Variants in GRK6 observed in about 807,000 individuals in gnomAD.
The protein encoded by GRK6 is G protein-coupled receptor kinase 6.
Under a neutral mutation model 80.8 loss-of-function variants are expected in GRK6, and 37 were observed. That is an observed-to-expected ratio of 0.46 (90% CI 0.35 to 0.60). The LOEUF (loss-of-function observed/expected upper bound fraction) is 0.60, where lower values mean the gene tolerates loss of function less well. Among genes scored for constraint, GRK6 ranks in the 20% least tolerant of loss-of-function variants. The pLI is 0.00. For missense variants in GRK6, 560 were observed against 784.6 expected, an observed-to-expected ratio of 0.71 and a Z score of 3.42; for synonymous variants, 295 against 320.9, an observed-to-expected ratio of 0.92 and a Z score of 0.86.
At chr5:177,426,384 T>C (rs1372323857), upstream of GRK6, 2 of 152,196 alleles carry the variant, frequency 1.3e-5, no homozygotes, top group Non-Finnish European at 2.9e-5. Flanking sequence ...CCACCTCCAT[T>C]GTCCCGGCTG....
chr5:177,429,544 A>C lies in GRK6; in HGVS notation c.53-1328A>C, dbSNP rs1054240932. Among the ~76,000 whole-genome samples, 1 of 152,156 alleles carries C rather than the reference A, an allele frequency of 6.6e-6. No individual in the cohort carries two copies. The highest frequency in any genetic ancestry group is 2.4e-5 in the African/African-American group (1 of 41,434). On this transcript the variant is annotated intron_variant, in intron 1 of 15. Coordinates refer to ENST00000355472, the MANE Select transcript of GRK6 (RefSeq NM_001004106.3). The surrounding 1 kb of genome is among the most constrained non-coding windows in gnomAD (Gnocchi z 4.3). ...CACAGTGAAGCAATGACTGCAGGGC[A>C]TGTTCGCAGGAGGCCTCTAGCAAGT...
intron 14 of GRK6, 28 bp from the exon 15 acceptor site, chr5:177,440,891 G>C: frequency 6.2e-7 from 1 of 1,613,826 alleles, no homozygotes. Flanking sequence ...CCTGGGGACA[G>C]CTGTCACAGC....
At chr5:177,432,630 C>T (rs1581677960) in intron 4 of GRK6, 76 bp from the exon 5 acceptor site, 2 of 1,062,336 alleles carry the variant, frequency 1.9e-6, no homozygotes, top group Non-Finnish European at 2.7e-6. Context: ...GCCCGAGTTG[C>T]CTGACCCCTC....
upstream of GRK6, among the ~76,000 whole-genome samples, chr5:177,426,092 G>A (rs1451128993): frequency 2.0e-5 from 3 of 152,220 alleles, no homozygotes; most frequent in Admixed American, 6.5e-5. Flanking sequence ...CGAGGCCGCA[G>A]CCTCCTCCCT....
chr5:177,437,301 C>T (rs908369153), intron 13 of GRK6, among the ~76,000 whole-genome samples: 2 of 152,166 alleles, frequency 1.3e-5, no homozygotes, highest in African/African-American at 4.8e-5. Context: ...AAAGAAGTCC[C>T]AAAGCTGATG....
chr5:177,429,172 G>A lies in GRK6; in HGVS notation c.53-1700G>A, dbSNP rs1182028299. ...TTTCATATAAAATTGGGCCTGCTCT[G>A]GCAGAGTTGCTGTGAGGATGGAGTG... On this transcript the variant is annotated intron_variant, in intron 1 of 15. Coordinates refer to ENST00000355472, the MANE Select transcript of GRK6 (RefSeq NM_001004106.3). The surrounding 1 kb of genome is among the most constrained non-coding windows in gnomAD (Gnocchi z 4.3). Among the ~76,000 whole-genome samples the A allele has an allele frequency of 2.0e-5, 3 of 152,262 alleles. No homozygotes were observed. Among genetic ancestry groups the A allele is most frequent in the Non-Finnish European group, 2.9e-5 (2 of 68,014 alleles).
At chr5:177,432,193 C>T (rs1055798046) in intron 3 of GRK6, 40 bp from the exon 4 acceptor site, 3 of 1,612,890 alleles carry the variant, frequency 1.9e-6, no homozygotes, top group East Asian at 2.2e-5. Context: ...TGCTGCTTGC[C>T]CTGCCCAGAC....
At chr5:177,438,035 C>G (rs1051758871) in intron 13 of GRK6, among the ~76,000 whole-genome samples, 1 of 152,174 alleles carries the variant, frequency 6.6e-6, no homozygotes, top group Admixed American at 6.5e-5. Flanking sequence ...AACCCGTAAG[C>G]CAGAAGGAAT....
At chr5:177,441,368 C>G in intron 15 of GRK6, 6 of 1,236,990 alleles carry the variant, frequency 4.9e-6, no homozygotes, top group Non-Finnish European at 5.7e-6. Flanking sequence ...CCCACTCCCC[C>G]TGCCCACTGC....
In GRK6 at chr5:177,429,430, T is replaced by C. The variant is rs560822299; in HGVS notation, c.53-1442T>C. On this transcript the variant is annotated intron_variant, in intron 1 of 15. Transcript: ENST00000355472. This position sits in a 1 kb window ranked among gnomAD's most constrained non-coding sequence, Gnocchi z 4.3. ...GGGTGGGAGGCTGGCGGATGGAGGG[T>C]TGGGTGAGGGACCTGTGGGTGTGGG... Among the ~76,000 whole-genome samples the C allele has an allele frequency of 6.9e-4, 104 of 151,262 alleles. No homozygotes were observed. Among genetic ancestry groups the C allele is most frequent in the Middle Eastern group, 3.4e-3 (1 of 292 alleles).
rs77998600 is a variant in GRK6 at position 177,428,011 on chromosome 5, C to A, written c.52+1114C>A. Among the ~76,000 whole-genome samples the A allele has an allele frequency of 0.068, 10,335 of 152,332 alleles. 479 individuals carry two copies. Among genetic ancestry groups the A allele is most frequent in the Non-Finnish European group, 0.11 (7,196 of 68,014 alleles). Reference sequence around the variant, plus strand: ...TCTATAGGAAGCCCAGAGGAACTTTCAGCTGGGTGCTACACCTGGCACCCC... The same window carrying A: ...TCTATAGGAAGCCCAGAGGAACTTTAAGCTGGGTGCTACACCTGGCACCCC... On this transcript the variant is annotated intron_variant, in intron 1 of 15. Coordinates refer to ENST00000355472, the MANE Select transcript of GRK6 (RefSeq NM_001004106.3). This position sits in a 1 kb window ranked among gnomAD's most constrained non-coding sequence, Gnocchi z 4.1.
chr5:177,436,785 G>A lies in GRK6; in HGVS notation c.1404+255G>A, dbSNP rs1457055464. 10 of 507,176 alleles carry A rather than the reference G, an allele frequency of 2.0e-5. No individual in the cohort carries two copies. In the East Asian group the frequency reaches 3.2e-4, roughly 16 times the overall value. The allele number at this position is 507,176 out of a possible 1,614,324, so 31.4% of individuals were successfully genotyped here. On this transcript the variant is annotated intron_variant, in intron 13 of 15. Transcript: ENST00000355472. ...CTCCTTCCCCTCACTGTACCGTTGA[G>A]TGTGTAGTCTTCATATTGGGGTAGC...
rs989455936 is a variant in GRK6, at chr5:177,428,717, C to T, written c.52+1820C>T. Among the ~76,000 whole-genome samples, 3 of 152,220 alleles carry T rather than the reference C, an allele frequency of 2.0e-5. No homozygotes were observed. The highest frequency in any genetic ancestry group is 6.5e-5 in the Admixed American group (1 of 15,282). ...ATAGGCATGAGCCACCGCGCCTGGC[C>T]GACCTGCATGACTTTAAACATGTCT... On this transcript the variant is annotated intron_variant, in intron 1 of 15. Coordinates refer to ENST00000355472, the MANE Select transcript of GRK6 (RefSeq NM_001004106.3). The surrounding 1 kb of genome is among the most constrained non-coding windows in gnomAD (Gnocchi z 4.1).
Position 177,432,234 on chromosome 5 carries a change from C to T in GRK6, c.263C>T (p.Ala88Val), listed in dbSNP as rs755000045. 1 of 1,613,734 alleles carries T rather than the reference C, an allele frequency of 6.2e-7. No individual in the cohort carries two copies. The highest frequency in any genetic ancestry group is 2.2e-5 in the East Asian group (1 of 44,896). Residue 88 changes from alanine to valine, a missense_variant and splice_region_variant, in exon 4 of 16, where the codon GCC (alanine) becomes GTC (valine). Ala to Val is a moderately conservative substitution (Grantham distance 64). Coordinates refer to ENST00000355472, the MANE Select transcript of GRK6 (RefSeq NM_001004106.3). ...SRCVAFLDGVAEYEVTPDDKR... is the reference protein window; with the variant it reads ...SRCVAFLDGVVEYEVTPDDKR... Reference sequence around the variant, plus strand: ...GCTTCTTTGCTTTCCACCCTGCAGGCCGAGTATGAAGTGACCCCGGATGAC... The same window carrying T: ...GCTTCTTTGCTTTCCACCCTGCAGGTCGAGTATGAAGTGACCCCGGATGAC...
chr5:177,433,017 T>A, intron 5 of GRK6, 130 bp from the exon 6 acceptor site: 1 of 837,272 alleles, frequency 1.2e-6, no homozygotes, highest in Non-Finnish European at 2.0e-6. Context: ...GCTCAGGGGT[T>A]AGCAGGAGGA....
chr5:177,427,234 A>T (rs1763710178), intron 1 of GRK6, among the ~76,000 whole-genome samples: 1 of 152,210 alleles, frequency 6.6e-6, no homozygotes, highest in Non-Finnish European at 1.5e-5. Context: ...AGGTGTAAAG[A>T]TGCCCCACGT....
rs1764552859 is a variant in GRK6, at chr5:177,442,375, G to C, written c.*585G>C. On this transcript the variant is annotated 3_prime_UTR_variant, in exon 16 of 16. Transcript: ENST00000355472. ...GGGTCTGGGGCCTCTGTATGCCCTA[G>C]GCCTGTGCCAAAGTGGCCAGAGATT... 1 of 154,984 alleles carries C rather than the reference G, an allele frequency of 6.5e-6. No homozygotes were observed. The highest frequency in any genetic ancestry group is 2.4e-5 in the African/African-American group (1 of 41,470). The allele number at this position is 154,984 out of a possible 1,614,324, so 9.6% of individuals were successfully genotyped here. A position where few individuals can be genotyped will look rare whatever the true frequency, so the allele number is the denominator to read the frequency against.
chr5:177,436,293 C>A lies in GRK6; in HGVS notation c.1266+12C>A. On this transcript the variant is annotated intron_variant, in intron 12 of 15. Transcript: ENST00000355472. ...CACTTTGCTCACAGGTACGGCAGCT[C>A]ACAGAAGCCTGGCCAGCCAGGGCTG... 6.2e-7 allele frequency: 1 copy of A among 1,613,822 alleles called. No individual in the cohort carries two copies.
chr5:177,426,812 G>A lies in GRK6; in HGVS notation c.-34G>A, dbSNP rs758166834. On this transcript the variant is annotated 5_prime_UTR_variant, in exon 1 of 16. Transcript: ENST00000355472. ...CACTCGCGCGCGATCCCGGCCGGCGGCGCGGCCCGGCGGGCCAGGCGGCGC... is the reference window on the plus strand; with the variant it reads ...CACTCGCGCGCGATCCCGGCCGGCGACGCGGCCCGGCGGGCCAGGCGGCGC... The A allele has an allele frequency of 6.0e-6, 7 of 1,159,956 alleles. No homozygotes were observed. The South Asian group carries it at 2.4e-4, about 39-fold the overall frequency. The allele number at this position is 1,159,956 out of a possible 1,614,324, so 71.9% of individuals were successfully genotyped here.
Sources: gnomAD v4.1 joint callset for allele counts (sites outside exome capture counted in the v4.1 genomes callset) on GRCh38, gnomAD v4.1.1 for gene constraint, Gnocchi (gnomAD v3.1) non-coding constraint, MANE v1.5 for transcripts, NCBI Gene and HGNC (gene_info 2026-07-23, HGNC 2026-07-21) for gene names.